FOXN1: variants seen among roughly 807,000 people sequenced by gnomAD.
FOXN1 encodes forkhead box N1.
FOXN1 carries 15 observed loss-of-function variants against 49.0 expected under a neutral mutation model. The observed-to-expected ratio is 0.31, with a 90% CI of 0.20 to 0.47. The LOEUF is 0.47. FOXN1 is among the 20% of genes least tolerant of loss of function. The pLI, the probability that FOXN1 is intolerant of heterozygous loss-of-function variation, is 1.00. For synonymous variants in FOXN1, 356 were observed against 369.0 expected (o/e 0.96, Z 0.40); for missense variants, 800 against 842.8 (o/e 0.95, Z 0.63).
At position 28,524,542 on chromosome 17, in the gene FOXN1, G is replaced by A. The variant is rs757771641; in HGVS notation, c.163G>A (p.Gly55Ser). Residue 55 changes from glycine (G) to serine (S), a missense_variant, in exon 3 of 9, where the codon GGC becomes AGC. Gly to Ser is a moderately conservative substitution (Grantham distance 56). Transcript: ENST00000579795. ...GFSCSSFVSDGPPERTPSLPP... is the reference protein window; with the variant it reads ...GFSCSSFVSDSPPERTPSLPP... ...CAGCTGCTCGTCATTTGTGTCCGAC[G>A]GCCCTCCAGAGAGGACACCCTCACT... 20 of 1,613,550 alleles carry A rather than the reference G, an allele frequency of 1.2e-5. No individual in the cohort carries two copies. The highest frequency in any genetic ancestry group is 1.6e-5 in the Non-Finnish European group (19 of 1,180,016).
chr17:28,533,486 C>CCA (rs1555610614), intron 6 of FOXN1, among the ~76,000 whole-genome samples: 1 of 58,916 alleles, frequency 1.7e-5, no homozygotes, highest in Non-Finnish European at 3.1e-5. Context: ...GGCACGAGCA[C>CCA]CCCCCCCCAC....
At chr17:28,520,171 A>G (rs2069610622) in intron 1 of FOXN1, among the ~76,000 whole-genome samples, 1 of 152,368 alleles carries the variant, frequency 6.6e-6, no homozygotes, top group Non-Finnish European at 1.5e-5. Flanking sequence ...ATTCAAATCC[A>G]GCCCTGACTC....
At chr17:28,527,733 G>A (rs1450325297) in intron 4 of FOXN1, among the ~76,000 whole-genome samples, 1 of 152,206 alleles carries the variant, frequency 6.6e-6, no homozygotes, top group Admixed American at 6.5e-5. Context: ...AGCAGGTCGA[G>A]GAACAAGGGC....
Position 28,535,208 on chromosome 17 carries a change from G to A in FOXN1, c.1627+10G>A. The A allele has an allele frequency of 6.2e-7, 1 of 1,611,954 alleles. No individual in the cohort carries two copies. Among genetic ancestry groups the A allele is most frequent in the Non-Finnish European group, 8.5e-7 (1 of 1,179,862 alleles). On this transcript the variant is annotated intron_variant, in intron 8 of 8. Transcript: ENST00000579795. ...GACTTCGACTTCCAGGGTGAGCTGG[G>A]GGTGGGAAAGGGAAGGTGGGACAGG... is the stretch of plus-strand genomic sequence containing the variant.
At chr17:28,508,806 G>A (rs1248557985) in intron 1 of FOXN1, among the ~76,000 whole-genome samples, 11 of 152,180 alleles carry the variant, frequency 7.2e-5, no homozygotes, top group Admixed American at 7.2e-4. Context: ...GGAGGGGACC[G>A]AGGTCCTGCA....
At chr17:28,506,821 C>T (rs2069271295) in intron 1 of FOXN1, among the ~76,000 whole-genome samples, 1 of 152,180 alleles carries the variant, frequency 6.6e-6, no homozygotes, top group South Asian at 2.1e-4. Flanking sequence ...GGCAGGGGGC[C>T]AAGTTCTCCA....
chr17:28,524,752 C>A lies in FOXN1; in HGVS notation c.373C>A (p.Pro125Thr), dbSNP rs757155505. 7.4e-6 allele frequency: 12 copies of A among 1,613,122 alleles called. No individual in the cohort carries two copies. Among genetic ancestry groups the A allele is most frequent in the African/African-American group, 2.7e-5 (2 of 74,920 alleles). The change falls in exon 3 of 9, where the codon CCG becomes ACG. Residue 125 changes from proline to threonine, a missense_variant. Pro to Thr is a conservative substitution (Grantham distance 38). This residue lies in a region of FOXN1 where 383 missense variants were observed against 357.9 expected (regional missense o/e 1.07). Coordinates refer to ENST00000579795, the MANE Select transcript of FOXN1 (RefSeq NM_001369369.1). ...CAAGGGCAGCCACGCGCCCTTCCAC[C>A]CGTACAAGCGGCCTTTCCATGAGGA... ...FLKGSHAPFHPYKRPFHEDVF... is the reference protein window; with the variant it reads ...FLKGSHAPFHTYKRPFHEDVF...
At position 28,534,706 on chromosome 17, in the gene FOXN1, G is replaced by A; in HGVS notation, c.1136-1G>A. The A allele has an allele frequency of 6.2e-7, 1 of 1,613,386 alleles. No individual in the cohort carries two copies. The highest frequency in any genetic ancestry group is 8.5e-7 in the Non-Finnish European group (1 of 1,179,918). ...TGTTCTTTCTCTCTTGGGCCTTTCA[G>A]AAGAGCTGGACAGCCTCATTGGAGA... On this transcript the variant is annotated splice_acceptor_variant, in intron 7 of 8. Coordinates refer to ENST00000579795, the MANE Select transcript of FOXN1 (RefSeq NM_001369369.1). LOFTEE classifies it high-confidence loss of function. This position sits in a 1 kb window ranked among gnomAD's most constrained non-coding sequence, Gnocchi z 4.1.
Position 28,534,626 on chromosome 17 carries a change from G to A in FOXN1, c.1136-81G>A. The A allele has an allele frequency of 6.2e-7, 1 of 1,604,442 alleles. No individual in the cohort carries two copies. Among genetic ancestry groups the A allele is most frequent in the Non-Finnish European group, 8.5e-7 (1 of 1,175,356 alleles). On this transcript the variant is annotated intron_variant, in intron 7 of 8. Transcript: ENST00000579795. The surrounding 1 kb of genome is among the most constrained non-coding windows in gnomAD (Gnocchi z 4.1). The stretch of plus-strand genomic sequence containing the variant: ...AGAGAGAATCAGAGAATGAGGCAAG[G>A]CCCCGAGTAAGGGTTCCAGTCTGGG...
chr17:28,510,604 A>G (rs1052972315), intron 1 of FOXN1, among the ~76,000 whole-genome samples: 5 of 151,770 alleles, frequency 3.3e-5, no homozygotes, highest in Admixed American at 6.6e-5. Flanking sequence ...ACACACACAC[A>G]CACACACACA....
chr17:28,523,346 G>A (rs770691529), intron 1 of FOXN1, among the ~76,000 whole-genome samples: 5 of 152,178 alleles, frequency 3.3e-5, no homozygotes, highest in Non-Finnish European at 1.5e-5. Flanking sequence ...GGCAACCGGG[G>A]GCCTTTGGGT....
intron 1 of FOXN1, among the ~76,000 whole-genome samples, chr17:28,517,798 C>T (rs539154073): frequency 4.9e-5 from 7 of 143,344 alleles, no homozygotes; most frequent in African/African-American, 1.9e-4. Flanking sequence ...CCACAGGGTA[C>T]ACACCTCCAC....
chr17:28,535,113 T>A lies in FOXN1; in HGVS notation c.1542T>A (p.Thr514=). The A allele has an allele frequency of 6.2e-7, 1 of 1,608,654 alleles. No individual in the cohort carries two copies. Among genetic ancestry groups the A allele is most frequent in the South Asian group, 1.1e-5 (1 of 90,484 alleles). Residue 514 remains threonine, a synonymous_variant, in exon 8 of 9, where the codon ACT becomes ACA. Transcript: ENST00000579795. ...KLLAEPSPAR[T]MHDTLLPDGD... The stretch of plus-strand genomic sequence containing the variant: ...TGGCCGAGCCTTCCCCAGCCAGGAC[T>A]ATGCACGACACCCTGCTGCCAGATG...
chr17:28,530,751 T>C lies in FOXN1; in HGVS notation c.833T>C (p.Ile278Thr). Residue 278 changes from isoleucine (I) to threonine (T), a missense_variant and splice_region_variant, in exon 6 of 9, where the codon ATC (isoleucine) becomes ACC (threonine). Ile to Thr is a moderately conservative substitution (Grantham distance 89). Transcript: ENST00000579795. ...LFPKPIYSYS[I>T]LIFMALKNSK... ...TCAGGGGCTTTCTCTTTCTTCAGCA[T>C]CCTCATCTTCATGGCCCTTAAGAAC... The C allele has an allele frequency of 6.4e-7, 1 of 1,569,430 alleles. No homozygotes were observed. The highest frequency in any genetic ancestry group is 8.8e-7 in the Non-Finnish European group (1 of 1,139,310).
In FOXN1 at chr17:28,524,611, G is replaced by C. The variant is rs750882115; in HGVS notation, c.232G>C (p.Val78Leu). 2 of 1,613,624 alleles carry C rather than the reference G, an allele frequency of 1.2e-6. No homozygotes were observed. Among genetic ancestry groups the C allele is most frequent in the South Asian group, 1.1e-5 (1 of 91,084 alleles). ...CATTGCGTCACCAGGGCCCGAGCAA[G>C]TCCAGGGCCACTGCCCAGCCGGCCC... ...PRIASPGPEQ[V>L]QGHCPAGPGP... The change falls in exon 3 of 9, where the codon GTC becomes CTC. Residue 78 changes from valine (V) to leucine (L), a missense_variant. Physicochemically the swap from Val to Leu is conservative, Grantham distance 32. This residue lies in a region of FOXN1 where 383 missense variants were observed against 357.9 expected (regional missense o/e 1.07). Transcript: ENST00000579795.
chr17:28,530,014 TA>T (rs59048773), intron 5 of FOXN1, among the ~76,000 whole-genome samples: 5,175 of 128,744 alleles, frequency 0.04, 241 homozygotes, highest in African/African-American at 0.12. Context: ...TATTCCTCTT[TA>T]AAAAAAAAAA....
At chr17:28,532,584 C>A (rs2069939303) in intron 6 of FOXN1, among the ~76,000 whole-genome samples, 1 of 152,246 alleles carries the variant, frequency 6.6e-6, no homozygotes. Flanking sequence ...CCCTGTGACC[C>A]ACCTAAGGAA....
intron 4 of FOXN1, among the ~76,000 whole-genome samples, chr17:28,528,827 C>T (rs965462222): frequency 9.9e-5 from 15 of 152,192 alleles, no homozygotes; most frequent in Admixed American, 2.0e-4. Flanking sequence ...TGCAGGGTCC[C>T]GTCACCATAG....
chr17:28,535,188 C>T lies in FOXN1; in HGVS notation c.1617C>T (p.Phe539=), dbSNP rs1317960155. Residue 539 remains phenylalanine (F), a synonymous_variant, in exon 8 of 9, where the codon TTC becomes TTT. Transcript: ENST00000579795. ...LDAINPSLTD[F]DFQGNLWEQL... ...CCATCAATCCCTCACTCACTGACTT[C>T]GACTTCCAGGGTGAGCTGGGGGTGG... The T allele has an allele frequency of 4.3e-6, 7 of 1,613,254 alleles. No individual in the cohort carries two copies. The highest frequency in any genetic ancestry group is 4.2e-6 in the Non-Finnish European group (5 of 1,179,926).
Sources: gnomAD v4.1 joint callset for allele counts (sites outside exome capture counted in the v4.1 genomes callset) on GRCh38, gnomAD v4.1.1 for gene constraint, gnomAD v4.1.1 regional missense constraint, Gnocchi (gnomAD v3.1) non-coding constraint, MANE v1.5 for transcripts, NCBI Gene and HGNC (gene_info 2026-07-23, HGNC 2026-07-21) for gene names.